The following NOL8 variants were observed in gnomAD, a reference collection of about 807,000 sequenced individuals.
NOL8 encodes nucleolar protein Nop132.
Under a neutral mutation model 116.1 loss-of-function variants are expected in NOL8, and 93 were observed. That is an observed-to-expected ratio of 0.80 (90% CI 0.68 to 0.95). The LOEUF (loss-of-function observed/expected upper bound fraction) is 0.95. Ranked by LOEUF, NOL8 falls within the 40% of genes least tolerant of loss-of-function variation. The pLI is 0.00. For synonymous variants in NOL8, 419 were observed against 469.0 expected (o/e 0.89, Z 1.38); for missense variants, 1,291 against 1,382.8 (o/e 0.93, Z 1.05).
chr9:92,314,701 T>A lies in NOL8; in HGVS notation c.1924A>T (p.Ile642Phe), dbSNP rs753475758. ...GTGGTCTGTCTTTTTTGAGGCTGAA[T>A]ATAGTTTGGGCCATTCGCCTTCTTT... ...HAKKANGPNY[I>F]QPQKRQTTFE... Residue 642 changes from isoleucine to phenylalanine, a missense_variant, in exon 7 of 17, where the codon ATT becomes TTT. By Grantham distance (21) the Ile-to-Phe change is conservative. Coordinates refer to ENST00000442668, the MANE Select transcript of NOL8 (RefSeq NM_017948.6). 1.2e-6 allele frequency: 2 copies of A among 1,613,694 alleles called. No homozygotes were observed. Among genetic ancestry groups the A allele is most frequent in the East Asian group, 4.5e-5 (2 of 44,898 alleles).
At chr9:92,302,428 C>T (rs560187491) in intron 12 of NOL8, among the ~76,000 whole-genome samples, 1 of 152,170 alleles carries the variant, frequency 6.6e-6, no homozygotes, top group South Asian at 2.1e-4. Flanking sequence ...CCTTTTTCCT[C>T]GAAGACCAGG....
At position 92,301,130 on chromosome 9, in the gene NOL8, T is replaced by C. The variant is rs77655945; in HGVS notation, c.3175+421A>G. On this transcript the variant is annotated intron_variant, in intron 13 of 16. Transcript: ENST00000442668. ...GATAAACTGTGCAATAACTGGCATA[T>C]TGATGACATGGCATATTTGTGTAAA... is the stretch of plus-strand genomic sequence containing the variant. Among the ~76,000 whole-genome samples, 701 of 152,376 alleles carry C rather than the reference T, an allele frequency of 4.6e-3. 4 individuals carry two copies. Among genetic ancestry groups the C allele is most frequent in the African/African-American group, 0.015 (611 of 41,590 alleles).
At chr9:92,320,740 G>A (rs1038371292) in intron 4 of NOL8, among the ~76,000 whole-genome samples, 1 of 151,990 alleles carries the variant, frequency 6.6e-6, no homozygotes, top group Non-Finnish European at 1.5e-5. Flanking sequence ...CCAAGTAGCT[G>A]GGATTACAGG....
At chr9:92,321,576 A>C (rs1839929804) in intron 4 of NOL8, 92 bp downstream of exon 4, 4 of 724,844 alleles carry the variant, frequency 5.5e-6, no homozygotes, top group Non-Finnish European at 9.1e-6. Flanking sequence ...TTAAGAATAT[A>C]ATACTATATT....
chr9:92,319,377 A>T (rs1839723516), intron 4 of NOL8, 21 bp from the exon 5 acceptor site: 2 of 1,520,996 alleles, frequency 1.3e-6, no homozygotes, highest in Middle Eastern at 1.8e-4. Flanking sequence ...AAGAAAATAC[A>T]AATAAAAGAG....
intron 12 of NOL8, among the ~76,000 whole-genome samples, chr9:92,303,880 C>T (rs1837979208): frequency 6.6e-6 from 1 of 152,106 alleles, no homozygotes; most frequent in African/African-American, 2.4e-5. Context: ...GGCATTATCT[C>T]TCAGCAGTTT....
chr9:92,314,959 A>T lies in NOL8; in HGVS notation c.1666T>A (p.Cys556Ser). 6.2e-7 allele frequency: 1 copy of T among 1,613,986 alleles called. No individual in the cohort carries two copies. The highest frequency in any genetic ancestry group is 1.7e-4 in the Middle Eastern group (1 of 6,060). ...ASLLEGEENT[C>S]GKQKPKENNL... ...TTTTCCTTTGGTTTCTGTTTGCCACAGGTGTTCTCCTCTCCTTCTAACAGG... is the reference window on the plus strand; with the variant it reads ...TTTTCCTTTGGTTTCTGTTTGCCACTGGTGTTCTCCTCTCCTTCTAACAGG... Residue 556 changes from cysteine to serine, a missense_variant, in exon 7 of 17, where the codon TGT (cysteine) becomes AGT (serine). By Grantham distance (112) the Cys-to-Ser change is moderately radical. Coordinates refer to ENST00000442668, the MANE Select transcript of NOL8 (RefSeq NM_017948.6).
chr9:92,303,610 A>G (rs900879528), intron 12 of NOL8, among the ~76,000 whole-genome samples: 2 of 152,180 alleles, frequency 1.3e-5, no homozygotes. Flanking sequence ...AAATAAAACA[A>G]AATTCTTTGT....
chr9:92,301,795 C>CGGA lies in NOL8; in HGVS notation c.2930_2931insTCC (p.Glu977delinsAspPro). 1 of 1,594,510 alleles carries CGGA rather than the reference C, an allele frequency of 6.3e-7. No individual in the cohort carries two copies. Among genetic ancestry groups the CGGA allele is most frequent in the Non-Finnish European group, 8.5e-7 (1 of 1,169,728 alleles). ...ACACCTCAGGTAGTTTCTCAGCTTC[C>CGGA]TCCCTTTTCTTTTTTCGTTTTGCTT... On this transcript the variant is annotated protein_altering_variant, in exon 13 of 17. Coordinates refer to ENST00000442668, the MANE Select transcript of NOL8 (RefSeq NM_017948.6).
In NOL8 at chr9:92,314,383, C is replaced by T. The variant is rs2236344; in HGVS notation, c.2242G>A (p.Val748Met). 1.9e-6 allele frequency: 3 copies of T among 1,613,566 alleles called. No homozygotes were observed. Among genetic ancestry groups the T allele is most frequent in the African/African-American group, 1.3e-5 (1 of 74,922 alleles). Reference sequence around the variant, plus strand: ...TCAGCATGCTTATCTTTAGCACTCACATCTGACGAATTACTAATAGAAAGT... The same window carrying T: ...TCAGCATGCTTATCTTTAGCACTCATATCTGACGAATTACTAATAGAAAGT... ...FSLSISNSSDVSAKDKHAEDN... is the reference protein window; with the variant it reads ...FSLSISNSSDMSAKDKHAEDN... Residue 748 changes from valine (V) to methionine (M), a missense_variant, in exon 7 of 17, where the codon GTG becomes ATG. By Grantham distance (21) the Val-to-Met change is conservative. Coordinates refer to ENST00000442668, the MANE Select transcript of NOL8 (RefSeq NM_017948.6).
At chr9:92,324,295 G>A (rs1390952564) in intron 1 of NOL8, 86 bp from the exon 2 acceptor site, 12 of 1,063,926 alleles carry the variant, frequency 1.1e-5, no homozygotes, top group Non-Finnish European at 1.4e-5. Context: ...TATCAAATCC[G>A]TCTCCTGGAT....
Position 92,297,825 on chromosome 9 carries a change from G to T in NOL8, c.*11C>A. 1 of 1,545,562 alleles carries T rather than the reference G, an allele frequency of 6.5e-7. No homozygotes were observed. Among genetic ancestry groups the T allele is most frequent in the South Asian group, 1.2e-5 (1 of 83,202 alleles). ...TTGTTCACATTCAGTATCAAAACCAGCTGACATTTATTATTTTGGTTTCAT... is the reference window on the plus strand; with the variant it reads ...TTGTTCACATTCAGTATCAAAACCATCTGACATTTATTATTTTGGTTTCAT... On this transcript the variant is annotated 3_prime_UTR_variant, in exon 17 of 17. Transcript: ENST00000442668.
chr9:92,312,548 C>T (rs957112460), intron 7 of NOL8, among the ~76,000 whole-genome samples: 1 of 150,342 alleles, frequency 6.7e-6, no homozygotes, highest in East Asian at 2.0e-4. Flanking sequence ...CCTATTGGGC[C>T]GGGCACAGTA....
intron 14 of NOL8, 66 bp downstream of exon 14, chr9:92,299,824 C>G (rs1837575166): frequency 2.0e-6 from 3 of 1,523,140 alleles, no homozygotes; most frequent in Non-Finnish European, 8.9e-7. Context: ...TAAAATATTT[C>G]TAAAGTATGT....
chr9:92,300,431 A>C (rs1467439212), intron 13 of NOL8: 1 of 988,508 alleles, frequency 1.0e-6, no homozygotes, highest in Non-Finnish European at 1.2e-6. Context: ...ATATATCTTT[A>C]CATTTTCAAT....
At chr9:92,323,589 A>T in intron 2 of NOL8, 86 bp from the exon 3 acceptor site, 1 of 1,067,970 alleles carries the variant, frequency 9.4e-7, no homozygotes, top group Non-Finnish European at 1.3e-6. Flanking sequence ...TTCTAAATTA[A>T]AAAAAAAAAT....
At chr9:92,298,127 G>T in intron 16 of NOL8, 130 bp downstream of exon 16, 1 of 729,218 alleles carries the variant, frequency 1.4e-6, no homozygotes, top group South Asian at 1.9e-5. Flanking sequence ...TGGATTCTGA[G>T]ACCAGTCACT....
chr9:92,298,696 C>T (rs551702419), intron 15 of NOL8, 188 bp downstream of exon 15: 15 of 474,442 alleles, frequency 3.2e-5, no homozygotes, highest in South Asian at 3.0e-4. Flanking sequence ...TGAGAATGAG[C>T]GGGCAAAGAA....
At chr9:92,310,147 G>C (rs1288019407) in intron 10 of NOL8, 24 bp downstream of exon 10, 2 of 1,531,284 alleles carry the variant, frequency 1.3e-6, no homozygotes, top group East Asian at 2.3e-5. Flanking sequence ...ATGACATCAG[G>C]ACTCTGGACA....
Sources: gnomAD v4.1 joint callset for allele counts (sites outside exome capture counted in the v4.1 genomes callset) on GRCh38, gnomAD v4.1.1 for gene constraint, MANE v1.5 for transcripts, NCBI Gene and HGNC (gene_info 2026-07-23, HGNC 2026-07-21) for gene names.